Variants in PPFIA2 observed in about 807,000 individuals in gnomAD.
PPFIA2 encodes liprin-alpha-2.
Under a neutral mutation model 175.5 loss-of-function variants are expected in PPFIA2, and 46 were observed. The observed-to-expected ratio is 0.26, with a 90% CI of 0.21 to 0.34. The LOEUF is 0.34. PPFIA2 is among the 10% of genes least tolerant of loss of function. The pLI is 1.00. For synonymous variants in PPFIA2, 568 were observed against 511.4 expected, an observed-to-expected ratio of 1.11 and a Z score of -1.49; for missense variants, 1,179 against 1,506.1, an observed-to-expected ratio of 0.78 and a Z score of 3.60.
chr12:81,321,919 C>T (rs1262367825), intron 22 of PPFIA2, among the ~76,000 whole-genome samples: 1 of 152,138 alleles, frequency 6.6e-6, no homozygotes, highest in Non-Finnish European at 1.5e-5. Context: ...ACTGTAACCC[C>T]GAATTCATAG....
chr12:81,683,347 A>G (rs2073964179), intron 3 of PPFIA2, among the ~76,000 whole-genome samples: 1 of 34,878 alleles, frequency 2.9e-5, no homozygotes, highest in South Asian at 1.0e-3. Context: ...ACTGAAAAAA[A>G]TAATATATAT....
At position 81,631,088 on chromosome 12, in the gene PPFIA2, G is replaced by A. The variant is rs185939322; in HGVS notation, c.303+45703C>T. ...TTTTGTATTTTTTTGTAGAGATAGA[G>A]TTTTGCCATGTTGCCCAGGCTGATC... On this transcript the variant is annotated intron_variant, in intron 4 of 32. Transcript: ENST00000549396. Among the ~76,000 whole-genome samples the A allele has an allele frequency of 5.5e-3, 829 of 151,904 alleles. 5 individuals are homozygous for A. Among genetic ancestry groups the A allele is most frequent in the African/African-American group, 0.019 (787 of 41,432 alleles).
chr12:81,740,662 A>G (rs2082211510), intron 3 of PPFIA2, among the ~76,000 whole-genome samples: 1 of 152,188 alleles, frequency 6.6e-6, no homozygotes, highest in Non-Finnish European at 1.5e-5. Context: ...TTCTCATCAA[A>G]GATTCATAAA....
intron 4 of PPFIA2, among the ~76,000 whole-genome samples, chr12:81,581,731 CG>C (rs1567433532): frequency 1.2e-3 from 3 of 2,568 alleles, no homozygotes; most frequent in East Asian, 0.2. Flanking sequence ...CAAAACAAAA[CG>C]AACAAACAAA....
chr12:81,728,533 CT>C (rs1320434256), intron 3 of PPFIA2, among the ~76,000 whole-genome samples: 3 of 151,224 alleles, frequency 2.0e-5, no homozygotes, highest in Non-Finnish European at 3.0e-5. Flanking sequence ...TGCTATCCCC[CT>C]CTCCTTCTCT....
intron 4 of PPFIA2, among the ~76,000 whole-genome samples, chr12:81,505,271 T>TTA (rs1555437760): frequency 5.5e-5 from 7 of 127,436 alleles, no homozygotes; most frequent in African/African-American, 2.1e-4. Context: ...AAAGTATAAT[T>TTA]AAAAAAAAAA....
intron 4 of PPFIA2, among the ~76,000 whole-genome samples, chr12:81,492,708 C>A (rs1397025992): frequency 6.6e-6 from 1 of 152,054 alleles, no homozygotes; most frequent in Non-Finnish European, 1.5e-5. Flanking sequence ...GTATGCAGGA[C>A]TCTATGGGCT....
chr12:81,493,217 C>A (rs1402209933), intron 4 of PPFIA2, among the ~76,000 whole-genome samples: 1 of 151,908 alleles, frequency 6.6e-6, no homozygotes, highest in Non-Finnish European at 1.5e-5. Flanking sequence ...GAGAAGGGTC[C>A]AAGTTGGAGA....
intron 8 of PPFIA2, among the ~76,000 whole-genome samples, chr12:81,388,943 C>T (rs1397233557): frequency 5.9e-5 from 9 of 151,362 alleles, no homozygotes; most frequent in Admixed American, 2.6e-4. Flanking sequence ...ACCAAGCATC[C>T]ACACACCATT....
chr12:81,530,496 T>C lies in PPFIA2; in HGVS notation c.304-72630A>G, dbSNP rs138465252. 1.7e-3 allele frequency among the ~76,000 whole-genome samples: 256 copies of C among 152,018 alleles called. 2 individuals carry two copies. The highest frequency in any genetic ancestry group is 6.0e-3 in the African/African-American group (250 of 41,502). ...TAAGCTTTGTGAACAGACCTGGAGT[T>C]TGTGAACTGCAAGATGCAGTAGAGC... On this transcript the variant is annotated intron_variant, in intron 4 of 32. Transcript: ENST00000549396.
intron 3 of PPFIA2, among the ~76,000 whole-genome samples, chr12:81,751,553 A>G (rs1377180624): frequency 6.6e-6 from 1 of 151,772 alleles, no homozygotes; most frequent in African/African-American, 2.4e-5. Flanking sequence ...ACACACACAC[A>G]CACACACACA....
chr12:81,657,591 T>C (rs892862657), intron 4 of PPFIA2, among the ~76,000 whole-genome samples: 2 of 152,306 alleles, frequency 1.3e-5, no homozygotes, highest in East Asian at 1.9e-4. Context: ...TAGGGTTCCC[T>C]AGAAAAAGTA....
At chr12:81,354,897 C>A (rs983613907) in intron 16 of PPFIA2, among the ~76,000 whole-genome samples, 1 of 152,096 alleles carries the variant, frequency 6.6e-6, no homozygotes, top group Non-Finnish European at 1.5e-5. Context: ...CCTGCCTCAG[C>A]CTCTCAAAGT....
At chr12:81,535,550 C>T in intron 4 of PPFIA2, 1 of 442,484 alleles carries the variant, frequency 2.3e-6, no homozygotes, top group Non-Finnish European at 4.5e-6. Flanking sequence ...CACAAAAATA[C>T]ATACATTTCT....
intron 4 of PPFIA2, among the ~76,000 whole-genome samples, chr12:81,567,674 T>C (rs2071616918): frequency 6.6e-6 from 1 of 152,194 alleles, no homozygotes; most frequent in African/African-American, 2.4e-5. Context: ...TGATATGCAC[T>C]GATGTGCTGG....
At chr12:81,338,716 A>T (rs540825797) in intron 21 of PPFIA2, among the ~76,000 whole-genome samples, 2 of 152,240 alleles carry the variant, frequency 1.3e-5, no homozygotes, top group Non-Finnish European at 2.9e-5. Flanking sequence ...TCAACAAAAA[A>T]ACCTTTAAAT....
intron 4 of PPFIA2, among the ~76,000 whole-genome samples, chr12:81,536,044 C>T (rs2065322929): frequency 6.6e-6 from 1 of 151,746 alleles, no homozygotes; most frequent in Non-Finnish European, 1.5e-5. Context: ...GATTCATTTT[C>T]ACACATCATC....
intron 4 of PPFIA2, among the ~76,000 whole-genome samples, chr12:81,590,487 A>G (rs1326399205): frequency 6.6e-6 from 1 of 151,534 alleles, no homozygotes; most frequent in Non-Finnish European, 1.5e-5. Context: ...TTTCTTTCCA[A>G]TTTTATTTAT....
intron 3 of PPFIA2, among the ~76,000 whole-genome samples, chr12:81,721,884 G>T (rs2079396111): frequency 6.6e-6 from 1 of 150,878 alleles, no homozygotes; most frequent in East Asian, 2.0e-4. Context: ...CCTCAGAAGG[G>T]TTTAGCAAGG....
Sources: gnomAD v4.1 joint callset for allele counts (sites outside exome capture counted in the v4.1 genomes callset) on GRCh38, gnomAD v4.1.1 for gene constraint, MANE v1.5 for transcripts, NCBI Gene and HGNC (gene_info 2026-07-23, HGNC 2026-07-21) for gene names.